ADAMTS17: variants seen among roughly 807,000 people sequenced by gnomAD.
ADAMTS17 encodes the protein ADAM metallopeptidase with thrombospondin type 1 motif 17, also known as A disintegrin and metalloproteinase with thrombospondin motifs 17.
Under a neutral mutation model 141.5 loss-of-function variants are expected in ADAMTS17, and 113 were observed. That is an observed-to-expected ratio of 0.80 (90% CI 0.69 to 0.93). ADAMTS17 has a LOEUF of 0.93. Ranked by LOEUF, ADAMTS17 falls within the 40% of genes least tolerant of loss-of-function variation. The pLI, the probability that ADAMTS17 is intolerant of heterozygous loss-of-function variation, is 0.00. For missense variants in ADAMTS17, 1,659 were observed against 1,517.9 expected (o/e 1.09, Z -1.54); for synonymous variants, 768 against 630.6 (o/e 1.22, Z -3.27).
At position 99,974,096 on chromosome 15, in the gene ADAMTS17, A is replaced by ATGATGTCTCTCTCTTGACGGTTGT. The variant is rs1490655269; in HGVS notation, c.*282_*305dup. 6 of 462,172 alleles carry ATGATGTCTCTCTCTTGACGGTTGT rather than the reference A, an allele frequency of 1.3e-5. No homozygotes were observed. In the East Asian group the frequency reaches 2.6e-4, roughly 20 times the overall value. The allele number at this position is 462,172 out of a possible 1,614,324, so 28.6% of individuals were successfully genotyped here. A position where few individuals can be genotyped will look rare whatever the true frequency, so the allele number is the denominator to read the frequency against. ...AAGCGAGTCAAGACAAGAACACTAAATGATGTCTCTCTCTTGACGGTTGTC... is the reference window on the plus strand; with the variant it reads ...AAGCGAGTCAAGACAAGAACACTAAATGATGTCTCTCTCTTGACGGTTGTTGATGTCTCTCTCTTGACGGTTGTC... On this transcript the variant is annotated 3_prime_UTR_variant, in exon 22 of 22. Transcript: ENST00000268070.
At chr15:100,200,578 C>T (rs1055277130) in intron 7 of ADAMTS17, among the ~76,000 whole-genome samples, 1 of 152,212 alleles carries the variant, frequency 6.6e-6, no homozygotes, top group Admixed American at 6.5e-5. Context: ...GGCAGTTCCT[C>T]GATATGCCCC....
At position 100,339,008 on chromosome 15, in the gene ADAMTS17, A is replaced by T. The variant is rs530323089; in HGVS notation, c.450+2031T>A. 5.1e-6 allele frequency: 5 copies of T among 985,520 alleles called. No individual in the cohort carries two copies. In the African/African-American group the frequency reaches 7.0e-5, roughly 14 times the overall value. The allele number at this position is 985,520 out of a possible 1,614,324, so 61.0% of individuals were successfully genotyped here. A position where few individuals can be genotyped will look rare whatever the true frequency, so the allele number is the denominator to read the frequency against. On this transcript the variant is annotated intron_variant, in intron 2 of 21. Transcript: ENST00000268070. The stretch of plus-strand genomic sequence containing the variant: ...GGCCTTCAGTACGTACAGAGGGGGA[A>T]GTGTCCAATGTCCAGCTCACACGAA...
chr15:100,256,046 AAGC>A (rs1032839565), intron 6 of ADAMTS17, among the ~76,000 whole-genome samples: 11 of 152,292 alleles, frequency 7.2e-5, no homozygotes, highest in African/African-American at 2.4e-4. Flanking sequence ...CTCAGAAGAG[AAGC>A]AGCAAGCCAC....
intron 18 of ADAMTS17, among the ~76,000 whole-genome samples, chr15:100,017,588 A>T (rs190103332): frequency 6.6e-6 from 1 of 152,294 alleles, no homozygotes; most frequent in Non-Finnish European, 1.5e-5. Flanking sequence ...AAACTAACTC[A>T]GCTCCAGGTA....
chr15:100,291,276 G>A (rs189118769), intron 3 of ADAMTS17, among the ~76,000 whole-genome samples: 41 of 152,264 alleles, frequency 2.7e-4, no homozygotes, highest in Admixed American at 1.3e-3. Flanking sequence ...TCAGAGGAAT[G>A]CAAACCAAAA....
intron 3 of ADAMTS17, among the ~76,000 whole-genome samples, chr15:100,318,238 G>C (rs1317861365): frequency 3.9e-5 from 6 of 152,000 alleles, no homozygotes; most frequent in Admixed American, 1.3e-4. Context: ...CAGACAACAA[G>C]AAGGACCTAG....
intron 10 of ADAMTS17, 28 bp downstream of exon 10, chr15:100,152,584 C>G (rs2039222769): frequency 1.2e-6 from 2 of 1,611,670 alleles, no homozygotes; most frequent in African/African-American, 2.7e-5. Flanking sequence ...ATGCTCTGTC[C>G]CGAGCCAGCC....
At chr15:100,280,720 G>GAGGAGTC (rs1257283434) in intron 4 of ADAMTS17, among the ~76,000 whole-genome samples, 2 of 152,174 alleles carry the variant, frequency 1.3e-5, no homozygotes, top group East Asian at 1.9e-4. Flanking sequence ...TCTAACATTT[G>GAGGAGTC]AGGAGTCAGC....
At chr15:99,983,216 C>T (rs904479479) in intron 20 of ADAMTS17, among the ~76,000 whole-genome samples, 1 of 152,178 alleles carries the variant, frequency 6.6e-6, no homozygotes, top group Non-Finnish European at 1.5e-5. Flanking sequence ...GGGGACCGGG[C>T]TTACGTACGA....
At chr15:99,978,899 C>T (rs1370304638) in intron 20 of ADAMTS17, 2 of 152,268 alleles carry the variant, frequency 1.3e-5, no homozygotes, top group Non-Finnish European at 2.9e-5. Flanking sequence ...GGGCCTCCGA[C>T]TTAACCTGAA....
intron 2 of ADAMTS17, among the ~76,000 whole-genome samples, chr15:100,339,360 C>G (rs2046297070): frequency 6.6e-6 from 1 of 152,218 alleles, no homozygotes; most frequent in Non-Finnish European, 1.5e-5. Flanking sequence ...CTGACCTCTA[C>G]AGAAACTCAC....
In ADAMTS17 at chr15:99,982,752, G is replaced by A. The variant is rs115558827; in HGVS notation, c.2950-6530C>T. Reference sequence around the variant, plus strand: ...CTTCCCAAGATGCAGGTAACTGAGAGAAATGGGGGCAGCAATAAATTTAGC... The same window carrying A: ...CTTCCCAAGATGCAGGTAACTGAGAAAAATGGGGGCAGCAATAAATTTAGC... On this transcript the variant is annotated intron_variant, in intron 20 of 21. Coordinates refer to ENST00000268070, the MANE Select transcript of ADAMTS17 (RefSeq NM_139057.4). 7.1e-3 allele frequency among the ~76,000 whole-genome samples: 1,086 copies of A among 152,306 alleles called. 13 individuals are homozygous for A. Among genetic ancestry groups the A allele is most frequent in the African/African-American group, 0.025 (1,036 of 41,536 alleles).
chr15:100,082,168 C>T (rs1433134171), intron 15 of ADAMTS17, among the ~76,000 whole-genome samples: 2 of 151,948 alleles, frequency 1.3e-5, no homozygotes, highest in African/African-American at 2.4e-5. Flanking sequence ...TGGGTTCAAG[C>T]GATTCTCCTG....
intron 15 of ADAMTS17, among the ~76,000 whole-genome samples, chr15:100,080,355 C>G (rs1403341533): frequency 1.3e-5 from 2 of 152,094 alleles, no homozygotes; most frequent in Non-Finnish European, 2.9e-5. Context: ...CCTGGACTAT[C>G]AAGATGAAAT....
At chr15:100,341,502 G>A in intron 1 of ADAMTS17, 93 bp from the exon 2 acceptor site, 1 of 987,244 alleles carries the variant, frequency 1.0e-6, no homozygotes. Context: ...CGGGGACAGC[G>A]CGACCCGGAG....
intron 18 of ADAMTS17, among the ~76,000 whole-genome samples, chr15:100,029,477 C>G (rs2029915274): frequency 6.6e-6 from 1 of 152,136 alleles, no homozygotes; most frequent in African/African-American, 2.4e-5. Context: ...ATGGGGAGTG[C>G]TTTGTCTGTC....
chr15:100,144,279 T>C (rs1409342612), intron 10 of ADAMTS17, among the ~76,000 whole-genome samples: 1 of 152,138 alleles, frequency 6.6e-6, no homozygotes. Context: ...TGGCTGGGCG[T>C]GGTGGCTCAC....
chr15:100,124,906 G>T (rs968284200), intron 12 of ADAMTS17, among the ~76,000 whole-genome samples: 1 of 152,224 alleles, frequency 6.6e-6, no homozygotes, highest in African/African-American at 2.4e-5. Context: ...GCAAAGGTTT[G>T]CTGAGACCAA....
intron 10 of ADAMTS17, among the ~76,000 whole-genome samples, chr15:100,137,421 T>C (rs1436794969): frequency 6.6e-6 from 1 of 152,132 alleles, no homozygotes; most frequent in Non-Finnish European, 1.5e-5. Context: ...AAAGGTAAAA[T>C]GTTAAGCACA....
Sources: gnomAD v4.1 joint callset for allele counts (sites outside exome capture counted in the v4.1 genomes callset) on GRCh38, gnomAD v4.1.1 for gene constraint, MANE v1.5 for transcripts, NCBI Gene and HGNC (gene_info 2026-07-23, HGNC 2026-07-21) for gene names.